The following FCHSD2 variants were observed in gnomAD, a reference collection of about 807,000 sequenced individuals.
FCHSD2 encodes F-BAR and double SH3 domains protein 2.
FCHSD2 carries 38 observed loss-of-function variants against 108.1 expected under a neutral mutation model. The observed-to-expected ratio is 0.35, with a 90% confidence interval of 0.27 to 0.46. FCHSD2 has a LOEUF of 0.46. Among genes scored for constraint, FCHSD2 ranks in the 20% least tolerant of loss-of-function variants. The probability of loss-of-function intolerance (pLI) is 1.00; values close to 1 mark genes in which losing one functional copy is unlikely to be tolerated. For missense variants in FCHSD2, 751 were observed against 897.8 expected (o/e 0.84, Z 2.09); for synonymous variants, 279 against 314.7 (o/e 0.89, Z 1.20).
rs78852731 is a variant in FCHSD2 at position 72,980,696 on chromosome 11, T to C, written c.705+3392A>G. On this transcript the variant is annotated intron_variant, in intron 8 of 19. Transcript: ENST00000409418. ...GTGTGTATATATATATATATATATATAATGTATGTATGTATATATATGTAT... is the reference window on the plus strand; with the variant it reads ...GTGTGTATATATATATATATATATACAATGTATGTATGTATATATATGTAT... Among the ~76,000 whole-genome samples the C allele has an allele frequency of 2.1e-5, 3 of 140,752 alleles. No individual in the cohort carries two copies. In the East Asian group the frequency reaches 6.3e-4, roughly 30 times the overall value. The allele number at this position is 140,752 out of a possible 152,430, so 92.3% of individuals were successfully genotyped here.
intron 10 of FCHSD2, among the ~76,000 whole-genome samples, chr11:72,892,751 T>C (rs1855342401): frequency 6.6e-6 from 1 of 151,856 alleles, no homozygotes; most frequent in Non-Finnish European, 1.5e-5. Context: ...ACTACAGGCA[T>C]GTGCCACCAT....
chr11:73,042,620 T>C (rs965137468), intron 3 of FCHSD2, among the ~76,000 whole-genome samples: 4 of 152,222 alleles, frequency 2.6e-5, no homozygotes, highest in Non-Finnish European at 4.4e-5. Context: ...TGATAGAGAC[T>C]GCATTGAATC....
At chr11:72,880,057 A>G (rs1438709137) in intron 12 of FCHSD2, among the ~76,000 whole-genome samples, 3 of 45,208 alleles carry the variant, frequency 6.6e-5, no homozygotes, top group Non-Finnish European at 1.2e-4. Context: ...AAACCAAACC[A>G]AAACAAGACA....
chr11:72,851,313 T>C lies in FCHSD2; in HGVS notation c.1309-1424A>G, dbSNP rs548537887. On this transcript the variant is annotated intron_variant, in intron 13 of 19. Transcript: ENST00000409418. ...ATAAAAGCACCAAGGTGTAAGACTATGTATTTTAAGATGTTTACTGCAACA... is the reference window on the plus strand; with the variant it reads ...ATAAAAGCACCAAGGTGTAAGACTACGTATTTTAAGATGTTTACTGCAACA... Among the ~76,000 whole-genome samples the C allele has an allele frequency of 3.3e-5, 5 of 152,314 alleles. 1 individual carries two copies. Among genetic ancestry groups the C allele is most frequent in the African/African-American group, 1.2e-4 (5 of 41,572 alleles).
At chr11:72,983,896 T>C (rs1277008673) in intron 8 of FCHSD2, 192 bp downstream of exon 8, 1 of 676,900 alleles carries the variant, frequency 1.5e-6, no homozygotes, top group South Asian at 1.5e-5. Flanking sequence ...TCTGTAAACA[T>C]TTTCTTAACT....
chr11:72,932,492 C>A (rs923533003), intron 8 of FCHSD2, among the ~76,000 whole-genome samples: 1 of 152,192 alleles, frequency 6.6e-6, no homozygotes, highest in African/African-American at 2.4e-5. Flanking sequence ...ATTCTCCTTC[C>A]GTATTACACC....
chr11:73,008,199 C>T (rs888991933), intron 4 of FCHSD2, among the ~76,000 whole-genome samples: 4 of 152,012 alleles, frequency 2.6e-5, no homozygotes, highest in Non-Finnish European at 5.9e-5. Flanking sequence ...ATTAGCAGGG[C>T]ATGGTGATGC....
intron 4 of FCHSD2, among the ~76,000 whole-genome samples, chr11:73,006,337 C>T (rs532056725): frequency 6.6e-6 from 1 of 152,234 alleles, no homozygotes; most frequent in South Asian, 2.1e-4. Flanking sequence ...CTTGATTTCC[C>T]TAAAATCTGT....
chr11:72,957,036 CT>C (rs761406851), intron 8 of FCHSD2, among the ~76,000 whole-genome samples: 10 of 143,928 alleles, frequency 6.9e-5, no homozygotes, highest in South Asian at 4.4e-4. Flanking sequence ...TTTTTTTCTT[CT>C]TTTTTTTTAT....
intron 5 of FCHSD2, among the ~76,000 whole-genome samples, chr11:73,000,505 ATAAT>A (rs1857605268): frequency 6.6e-6 from 1 of 152,204 alleles, no homozygotes; most frequent in African/African-American, 2.4e-5. Context: ...TGTAACCCAT[ATAAT>A]TAAAGTTTAG....
At position 73,062,664 on chromosome 11, in the gene FCHSD2, C is replaced by T. The variant is rs560377115; in HGVS notation, c.165+21031G>A. Among the ~76,000 whole-genome samples, 6 of 151,936 alleles carry T rather than the reference C, an allele frequency of 3.9e-5. No homozygotes were observed. In the East Asian group the frequency reaches 9.7e-4, roughly 24 times the overall value. ...GCATACACCGTTTCAATAGCCAAATCGATCAAGAGGAAGAAAGGATACCAG... is the reference window on the plus strand; with the variant it reads ...GCATACACCGTTTCAATAGCCAAATTGATCAAGAGGAAGAAAGGATACCAG... On this transcript the variant is annotated intron_variant, in intron 3 of 19. Coordinates refer to ENST00000409418, the MANE Select transcript of FCHSD2 (RefSeq NM_014824.3).
At chr11:72,998,807 T>A (rs1385392094) in intron 5 of FCHSD2, among the ~76,000 whole-genome samples, 1 of 152,200 alleles carries the variant, frequency 6.6e-6, no homozygotes, top group Admixed American at 6.5e-5. Context: ...GCTATTATTC[T>A]TTAAAAGGAT....
chr11:73,097,615 C>CTTTTTT (rs200159157), intron 2 of FCHSD2, among the ~76,000 whole-genome samples: 2 of 95,310 alleles, frequency 2.1e-5, no homozygotes, highest in Non-Finnish European at 2.3e-5. Context: ...GTGAGGTGTT[C>CTTTTTT]TTTTTTTTTT....
chr11:72,921,245 A>G (rs944809949), intron 9 of FCHSD2, among the ~76,000 whole-genome samples: 2 of 152,222 alleles, frequency 1.3e-5, no homozygotes, highest in African/African-American at 4.8e-5. Context: ...TCACGACTGC[A>G]AAACATTTTA....
intron 9 of FCHSD2, among the ~76,000 whole-genome samples, chr11:72,906,548 T>C (rs1855634784): frequency 6.6e-6 from 1 of 152,256 alleles, no homozygotes; most frequent in Admixed American, 6.5e-5. Flanking sequence ...CTAGGGTTTT[T>C]ATGGTGTTAG....
At chr11:73,036,940 G>A (rs1378381236) in intron 3 of FCHSD2, among the ~76,000 whole-genome samples, 2 of 152,110 alleles carry the variant, frequency 1.3e-5, no homozygotes, top group Non-Finnish European at 1.5e-5. Flanking sequence ...ATCTGTTAAC[G>A]CGGATCTGTA....
rs1293958314 is a variant in FCHSD2, at chr11:72,988,921, T to C, written c.521+43A>G. 6 of 1,541,008 alleles carry C rather than the reference T, an allele frequency of 3.9e-6. No individual in the cohort carries two copies. In the African/African-American group the frequency reaches 8.2e-5, roughly 21 times the overall value. On this transcript the variant is annotated intron_variant, in intron 6 of 19. Transcript: ENST00000409418. ...GAACAAACTATTAGCAACAATAACA[T>C]TTATTTGCATAATAATTTTCTCAGA...
chr11:73,030,770 A>G (rs1419645142), intron 3 of FCHSD2, among the ~76,000 whole-genome samples: 1 of 152,250 alleles, frequency 6.6e-6, no homozygotes, highest in Non-Finnish European at 1.5e-5. Flanking sequence ...ACCACAGTCA[A>G]GCAAATTTAA....
At chr11:72,952,496 T>C (rs1015600756) in intron 8 of FCHSD2, among the ~76,000 whole-genome samples, 1 of 152,078 alleles carries the variant, frequency 6.6e-6, no homozygotes, top group African/African-American at 2.4e-5. Context: ...AGCTAATTTT[T>C]ATATTTTTAG....
Sources: allele counts gnomAD v4.1 joint callset (sites outside exome capture counted in the v4.1 genomes callset), GRCh38; gene constraint gnomAD v4.1.1; transcripts MANE v1.5; gene names NCBI Gene and HGNC (gene_info 2026-07-23, HGNC 2026-07-21).